Variants in GRIA3 observed in about 807,000 individuals in gnomAD.
GRIA3 encodes the protein glutamate receptor 3.
In GRIA3, 3 loss-of-function variants were observed where a neutral mutation model predicts 63.0. The ratio of observed to expected loss-of-function variants is 0.05; its 90% CI spans 0.02 to 0.12. The LOEUF is 0.12. GRIA3 is among the 10% of genes least tolerant of loss of function. The pLI is 1.00. For synonymous variants in GRIA3, 274 were observed against 257.9 expected, an observed-to-expected ratio of 1.06 and a Z score of -0.60; for missense variants, 347 against 700.9, an observed-to-expected ratio of 0.50 and a Z score of 5.70.
chrX:123,204,583 C>T (rs1927835029), intron 2 of GRIA3: 1 of 1,131,633 alleles, frequency 8.8e-7, no homozygotes, highest in South Asian at 2.1e-5. Context: ...AGAAACTACC[C>T]TCTGGAGATA....
intron 5 of GRIA3, among the ~76,000 whole-genome samples, chrX:123,392,870 T>C (rs2045393992): frequency 8.9e-6 from 1 of 112,176 alleles, no homozygotes; most frequent in Admixed American, 9.5e-5. Flanking sequence ...CTCAGCATTT[T>C]ATTTGAATAT....
chrX:123,438,340 A>G (rs2045655999), intron 12 of GRIA3, among the ~76,000 whole-genome samples: 1 of 112,349 alleles, frequency 8.9e-6, no homozygotes, highest in Admixed American at 9.4e-5. Flanking sequence ...ATAATATTCC[A>G]CTGTATGTAT....
intron 2 of GRIA3, chrX:123,202,597 G>C (rs1466651750): frequency 8.7e-7 from 1 of 1,155,112 alleles, no homozygotes; most frequent in Non-Finnish European, 1.2e-6. Context: ...GGAGACCTAT[G>C]GCCAGAAGCA....
At chrX:123,302,648 C>T (rs1459695634) in intron 3 of GRIA3, among the ~76,000 whole-genome samples, 1 of 111,431 alleles carries the variant, frequency 9.0e-6, no homozygotes, top group African/African-American at 3.2e-5. Context: ...ATATCTCTCC[C>T]TGAATTTCTG....
At chrX:123,188,842 A>G (rs1927347318) in intron 2 of GRIA3, among the ~76,000 whole-genome samples, 1 of 111,858 alleles carries the variant, frequency 8.9e-6, no homozygotes, top group Admixed American at 9.5e-5. Flanking sequence ...CAAAGAATAA[A>G]CAAAGGGTAA....
intron 10 of GRIA3, among the ~76,000 whole-genome samples, chrX:123,414,112 A>C (rs764832637): frequency 1.8e-5 from 2 of 111,995 alleles, no homozygotes; most frequent in Non-Finnish European, 3.8e-5. Flanking sequence ...ATAAGGAGAA[A>C]GTGGTGTTGA....
intron 6 of GRIA3, among the ~76,000 whole-genome samples, chrX:123,396,199 A>AAATAATAAT (rs10528905): frequency 0.56 from 47,683 of 85,714 alleles, 12,242 homozygotes; most frequent in Non-Finnish European, 0.68. Flanking sequence ...CTCCATCTCA[A>AAATAATAAT]AATAATAATA....
intron 2 of GRIA3, among the ~76,000 whole-genome samples, chrX:123,203,175 G>A (rs1460027909): frequency 1.8e-5 from 2 of 111,758 alleles, no homozygotes; most frequent in Non-Finnish European, 1.9e-5. Flanking sequence ...AACTGTGATT[G>A]TGTTCTCCAA....
chrX:123,282,858 A>G, intron 3 of GRIA3, among the ~76,000 whole-genome samples: 1 of 112,682 alleles, frequency 8.9e-6, no homozygotes, highest in East Asian at 2.8e-4. Flanking sequence ...GTGAGCCGAG[A>G]TTGCACCACT....
At chrX:123,271,963 C>T (rs1313502825) in intron 3 of GRIA3, among the ~76,000 whole-genome samples, 3 of 111,471 alleles carry the variant, frequency 2.7e-5, no homozygotes, top group Non-Finnish European at 3.8e-5. Flanking sequence ...TAACTCAGTC[C>T]TCTCTCAATT....
intron 5 of GRIA3, among the ~76,000 whole-genome samples, chrX:123,392,713 TTCTC>T (rs1363832344): frequency 8.9e-6 from 1 of 112,197 alleles, no homozygotes; most frequent in African/African-American, 3.2e-5. Flanking sequence ...TTCCTGTCAC[TTCTC>T]TATTGAATTC....
intron 12 of GRIA3, among the ~76,000 whole-genome samples, chrX:123,431,665 T>A (rs1194355847): frequency 8.9e-6 from 1 of 112,269 alleles, no homozygotes; most frequent in Non-Finnish European, 1.9e-5. Flanking sequence ...TTTTGGAAAT[T>A]TAACCTGATA....
chrX:123,427,161 C>A (rs1373595543), intron 11 of GRIA3, among the ~76,000 whole-genome samples: 1 of 112,170 alleles, frequency 8.9e-6, no homozygotes, highest in Non-Finnish European at 1.9e-5. Flanking sequence ...ATAGCAATGT[C>A]TTTGTTAAAT....
At chrX:123,327,856 T>A (rs917823487) in intron 4 of GRIA3, among the ~76,000 whole-genome samples, 2 of 111,196 alleles carry the variant, frequency 1.8e-5, no homozygotes, top group Non-Finnish European at 3.8e-5. Context: ...TACCTTCCTT[T>A]GATTTTCTTA....
At chrX:123,243,526 A>G (rs1228646369) in intron 2 of GRIA3, among the ~76,000 whole-genome samples, 1 of 111,914 alleles carries the variant, frequency 8.9e-6, no homozygotes. Flanking sequence ...CTCTTCTACC[A>G]TCAGGTGTCA....
rs1366354631 is a variant in GRIA3 at position 123,463,550 on chromosome X, C to CGAAG, written c.2077-1289_2077-1286dup. Among the ~76,000 whole-genome samples the CGAAG allele has an allele frequency of 2.7e-4, 8 of 29,106 alleles. 1 individual carries two copies. The highest frequency in any genetic ancestry group is 5.3e-4 in the Admixed American group (1 of 1,898). 25.3% of individuals were successfully genotyped at this position (29,106 alleles called of 115,157 possible). A position where few individuals can be genotyped will look rare whatever the true frequency, so the allele number is the denominator to read the frequency against. On this transcript the variant is annotated intron_variant, in intron 12 of 15. Coordinates refer to ENST00000620443, the MANE Select transcript of GRIA3 (RefSeq NM_007325.5). ...GGGTGACAGAGTGAGACGAAAGAAG[C>CGAAG]GAAGGAAGGAAGGAAGGAAGGAAGG...
chrX:123,184,545 C>A lies in GRIA3; in HGVS notation c.10C>A (p.Gln4Lys), dbSNP rs781094406. The A allele has an allele frequency of 1.7e-6, 2 of 1,207,062 alleles. No individual in the cohort carries two copies. Among genetic ancestry groups the A allele is most frequent in the Admixed American group, 4.3e-5 (2 of 46,004 alleles). Residue 4 changes from glutamine to lysine, a missense_variant, in exon 1 of 16, where the codon CAG (glutamine) becomes AAG (lysine). By Grantham distance (53) the Gln-to-Lys change is moderately conservative. This residue lies in a region of GRIA3 where 36 missense variants were observed against 28.2 expected (regional missense o/e 1.28). Transcript: ENST00000620443. MAR[Q>K]KKMGQSVLRA... Reference sequence around the variant, plus strand: ...TCGTTTTAGGCGTAGCATGGCCAGGCAGAAGAAAATGGGGCAAAGCGTGCT... The same window carrying A: ...TCGTTTTAGGCGTAGCATGGCCAGGAAGAAGAAAATGGGGCAAAGCGTGCT...
chrX:123,481,350 G>A (rs1370583310), intron 14 of GRIA3, among the ~76,000 whole-genome samples: 1 of 112,026 alleles, frequency 8.9e-6, no homozygotes, highest in African/African-American at 3.2e-5. Flanking sequence ...CTAAAAGAGT[G>A]ACTATTTGCA....
chrX:123,355,811 ATTC>A (rs2045128973), intron 5 of GRIA3, among the ~76,000 whole-genome samples: 1 of 112,292 alleles, frequency 8.9e-6, no homozygotes, highest in South Asian at 3.7e-4. Flanking sequence ...TTGTAATTAT[ATTC>A]TTATATTTTT....
Sources: allele counts gnomAD v4.1 joint callset (sites outside exome capture counted in the v4.1 genomes callset), GRCh38; gene constraint gnomAD v4.1.1; regional missense constraint gnomAD v4.1.1; transcripts MANE v1.5; gene names NCBI Gene and HGNC (gene_info 2026-07-23, HGNC 2026-07-21).